Variants in NLGN1 observed in about 807,000 individuals in gnomAD.
NLGN1 encodes neuroligin-1.
NLGN1 carries 12 observed loss-of-function variants against 65.5 expected under a neutral mutation model. The observed-to-expected ratio is 0.18, with a 90% CI of 0.12 to 0.30. The LOEUF (loss-of-function observed/expected upper bound fraction) is 0.30. NLGN1 is among the 10% of genes least tolerant of loss of function. The pLI, the probability that NLGN1 is intolerant of heterozygous loss-of-function variation, is 1.00. For missense variants in NLGN1, 750 were observed against 1,007.1 expected (o/e 0.74, Z 3.46); for synonymous variants, 350 against 359.5 (o/e 0.97, Z 0.30).
At chr3:173,627,104 T>G (rs1312446175) in intron 3 of NLGN1, among the ~76,000 whole-genome samples, 1 of 152,098 alleles carries the variant, frequency 6.6e-6, no homozygotes, top group Non-Finnish European at 1.5e-5. Flanking sequence ...TACCATGGGT[T>G]TTTTGTTTGT....
chr3:174,240,437 T>A (rs559668740), intron 4 of NLGN1, among the ~76,000 whole-genome samples: 47 of 152,290 alleles, frequency 3.1e-4, no homozygotes, highest in African/African-American at 1.1e-3. Context: ...AGAGTCCTCC[T>A]TATAATAAGC....
chr3:173,724,982 T>C (rs886753337), intron 3 of NLGN1, among the ~76,000 whole-genome samples: 1 of 149,632 alleles, frequency 6.7e-6, no homozygotes, highest in South Asian at 2.1e-4. Flanking sequence ...AATTGAACAA[T>C]GAGAACACTT....
intron 4 of NLGN1, among the ~76,000 whole-genome samples, chr3:174,058,896 C>G (rs975831936): frequency 6.6e-4 from 100 of 152,108 alleles, no homozygotes; most frequent in African/African-American, 2.2e-3. Flanking sequence ...AAAGGTTCAG[C>G]ATTTCCTTGG....
In NLGN1 at chr3:174,260,937, A is replaced by C. The variant is rs936093105; in HGVS notation, c.647-14378A>C. Among the ~76,000 whole-genome samples the C allele has an allele frequency of 4.7e-5, 7 of 150,278 alleles. No homozygotes were observed. In the Admixed American group the frequency reaches 4.7e-4, roughly 10 times the overall value. On this transcript the variant is annotated intron_variant, in intron 4 of 6. Coordinates refer to ENST00000457714, the Ensembl canonical transcript of NLGN1. ...GTTTTCCCAGCACCATTTATTAAAC[A>C]GGGAATCCTTTCCCCATTGCTTGTT...
chr3:173,930,666 G>A lies in NLGN1; in HGVS notation c.646+122834G>A, dbSNP rs1216368597. Among the ~76,000 whole-genome samples, 3 of 152,164 alleles carry A rather than the reference G, an allele frequency of 2.0e-5. No homozygotes were observed. In the East Asian group the frequency reaches 5.8e-4, roughly 29 times the overall value. On this transcript the variant is annotated intron_variant, in intron 4 of 6. Transcript: ENST00000457714. ...AAAATACGAATTAAGAAAATGAAGT[G>A]TTAATTCAATTGTCATATTCATCCT...
intron 3 of NLGN1, among the ~76,000 whole-genome samples, chr3:173,730,643 C>T (rs937513936): frequency 2.6e-5 from 4 of 152,000 alleles, no homozygotes; most frequent in African/African-American, 9.7e-5. Flanking sequence ...TGATTGTTTG[C>T]CTTGTCTTTT....
At position 174,163,263 on chromosome 3, in the gene NLGN1, G is replaced by A. The variant is rs1182347656; in HGVS notation, c.647-112052G>A. Among the ~76,000 whole-genome samples, 6 of 151,854 alleles carry A rather than the reference G, an allele frequency of 4.0e-5. No individual in the cohort carries two copies. In the Admixed American group the frequency reaches 4.0e-4, roughly 10 times the overall value. ...TTAAAAATTTTTTCTCCTTTCATGA[G>A]ATTCACTGCCCATGGATATTTCTAA... On this transcript the variant is annotated intron_variant, in intron 4 of 6. Transcript: ENST00000457714.
chr3:173,697,205 C>G (rs1487591929), intron 3 of NLGN1, among the ~76,000 whole-genome samples: 1 of 152,176 alleles, frequency 6.6e-6, no homozygotes, highest in African/African-American at 2.4e-5. Flanking sequence ...CATAGATACT[C>G]ATAAAACAAC....
At chr3:174,260,867 T>TG (rs1746755503) in intron 4 of NLGN1, among the ~76,000 whole-genome samples, 1 of 147,710 alleles carries the variant, frequency 6.8e-6, no homozygotes, top group Non-Finnish European at 1.5e-5. Context: ...TTGTATAAGG[T>TG]GTAAGGAAGG....
intron 4 of NLGN1, among the ~76,000 whole-genome samples, chr3:173,855,358 A>T (rs1016523657): frequency 6.6e-6 from 1 of 152,166 alleles, no homozygotes; most frequent in Non-Finnish European, 1.5e-5. Context: ...TTTAACTTTT[A>T]GAAATTACCA....
intron 3 of NLGN1, among the ~76,000 whole-genome samples, chr3:173,651,336 A>G (rs926060856): frequency 6.6e-6 from 1 of 151,382 alleles, no homozygotes; most frequent in Non-Finnish European, 1.5e-5. Flanking sequence ...GTTGTTATAT[A>G]TATATTACTT....
At chr3:173,977,659 G>A (rs1717814032) in intron 4 of NLGN1, among the ~76,000 whole-genome samples, 2 of 152,008 alleles carry the variant, frequency 1.3e-5, no homozygotes, top group South Asian at 2.1e-4. Context: ...AAAAAAAAAT[G>A]GACAAAGCAC....
chr3:174,114,151 G>A (rs897496009), intron 4 of NLGN1, among the ~76,000 whole-genome samples: 1 of 152,118 alleles, frequency 6.6e-6, no homozygotes, highest in Non-Finnish European at 1.5e-5. Flanking sequence ...TCCTTATCTA[G>A]GCTGAAGCAT....
At chr3:173,429,897 C>A (rs1716882169) in intron 1 of NLGN1, among the ~76,000 whole-genome samples, 1 of 152,176 alleles carries the variant, frequency 6.6e-6, no homozygotes. Context: ...TGAACAGATT[C>A]AGTGATTTGG....
intron 3 of NLGN1, among the ~76,000 whole-genome samples, chr3:173,755,617 C>G (rs906300430): frequency 6.6e-6 from 1 of 151,922 alleles, no homozygotes; most frequent in African/African-American, 2.4e-5. Flanking sequence ...AGATGAGTGG[C>G]AAGGTTGGAG....
chr3:174,047,235 T>G (rs1733819521), intron 4 of NLGN1, among the ~76,000 whole-genome samples: 1 of 152,038 alleles, frequency 6.6e-6, no homozygotes, highest in African/African-American at 2.4e-5. Context: ...TAATAGTATA[T>G]TTTTATAAAG....
At chr3:173,797,696 C>A (rs60558813) in intron 3 of NLGN1, among the ~76,000 whole-genome samples, 9,609 of 143,698 alleles carry the variant, frequency 0.067, 1,078 homozygotes, top group African/African-American at 0.21. Context: ...ACAACAACAA[C>A]AACAAAAAAA....
chr3:174,273,825 C>T (rs999648284), intron 4 of NLGN1, among the ~76,000 whole-genome samples: 13 of 151,582 alleles, frequency 8.6e-5, no homozygotes, highest in Non-Finnish European at 1.9e-4. Flanking sequence ...TCAAATTTTT[C>T]AAAATTATTC....
intron 2 of NLGN1, among the ~76,000 whole-genome samples, chr3:173,551,210 A>AT (rs1186906642): frequency 6.6e-6 from 1 of 151,800 alleles, no homozygotes; most frequent in Non-Finnish European, 1.5e-5. Flanking sequence ...AAATAGTGTA[A>AT]TTTTCAGGAT....
Sources: allele counts gnomAD v4.1 joint callset (sites outside exome capture counted in the v4.1 genomes callset), GRCh38; gene constraint gnomAD v4.1.1; transcripts MANE v1.5; gene names NCBI Gene and HGNC (gene_info 2026-07-23, HGNC 2026-07-21).